Variants in CCDC70 observed in about 807,000 individuals in gnomAD.
The protein encoded by CCDC70 is coiled-coil domain-containing protein 70.
CCDC70 carries 4 observed loss-of-function variants against 9.1 expected under a neutral mutation model. That is an observed-to-expected ratio of 0.44 (90% CI 0.22 to 1.00). The LOEUF (loss-of-function observed/expected upper bound fraction) is 1.00, where lower values mean the gene tolerates loss of function less well. CCDC70 is among the 50% of genes least tolerant of loss of function. The pLI, the probability that CCDC70 is intolerant of heterozygous loss-of-function variation, is 0.25. For missense variants in CCDC70, 308 were observed against 271.3 expected (o/e 1.14, Z -0.95); for synonymous variants, 119 against 94.0 (o/e 1.27, Z -1.54).
Position 51,865,438 on chromosome 13 carries a change from G to C in CCDC70, c.27G>C (p.Trp9Cys). MFSFKVSR[W>C]MGLACFRSLA... ...TGTTTTCCTTCAAGGTGAGCAGATG[G>C]ATGGGGCTTGCCTGCTTCCGGTCCC... Residue 9 changes from tryptophan to cysteine, a missense_variant, in exon 2 of 2, where the codon TGG (tryptophan) becomes TGC (cysteine). Physicochemically the swap from Trp to Cys is radical, Grantham distance 215. Transcript: ENST00000242819. 6.2e-7 allele frequency: 1 copy of C among 1,613,650 alleles called. No homozygotes were observed. The highest frequency in any genetic ancestry group is 8.5e-7 in the Non-Finnish European group (1 of 1,179,782).
chr13:51,862,337 T>C (rs1956388702), intron 1 of CCDC70, 108 bp downstream of exon 1: 1 of 152,238 alleles, frequency 6.6e-6, no homozygotes, highest in Non-Finnish European at 1.5e-5. Context: ...AACTGAAAAC[T>C]GGGCATGTAT....
chr13:51,865,206 C>T, intron 1 of CCDC70, 126 bp from the exon 2 acceptor site: 1 of 544,162 alleles, frequency 1.8e-6, no homozygotes, highest in South Asian at 3.7e-5. Flanking sequence ...AAAGCTTGTC[C>T]CTCACAAACA....
intron 1 of CCDC70, among the ~76,000 whole-genome samples, chr13:51,865,082 T>C (rs1170464219): frequency 2.0e-5 from 3 of 152,232 alleles, no homozygotes; most frequent in Non-Finnish European, 2.9e-5. Context: ...GATACCCTAG[T>C]TGACAGCCAC....
chr13:51,865,159 A>G (rs1001013140), intron 1 of CCDC70, among the ~76,000 whole-genome samples, 173 bp from the exon 2 acceptor site: 9 of 152,140 alleles, frequency 5.9e-5, no homozygotes, highest in African/African-American at 2.2e-4. Context: ...CTGCCTCTCC[A>G]GCTCAAAGCC....
At chr13:51,863,270 A>G (rs1327115067) in intron 1 of CCDC70, among the ~76,000 whole-genome samples, 4 of 152,138 alleles carry the variant, frequency 2.6e-5, no homozygotes, top group African/African-American at 7.2e-5. Context: ...GGGCTGCACA[A>G]GGCCTTCCTA....
rs745453002 is a variant in CCDC70, at chr13:51,865,707, T to C, written c.296T>C (p.Met99Thr). 1.9e-6 allele frequency: 3 copies of C among 1,613,846 alleles called. No homozygotes were observed. In the East Asian group the frequency reaches 6.7e-5, roughly 36 times the overall value. The stretch of plus-strand genomic sequence containing the variant: ...AAAGAGGAAAAATCCTTCTGGGAAA[T>C]GGAAAAGTCTTTCAGGGAGGAAGAG... ...FWKEEKSFWEMEKSFREEEKT... is the reference protein window; with the variant it reads ...FWKEEKSFWETEKSFREEEKT... The change falls in exon 2 of 2, where the codon ATG (methionine) becomes ACG (threonine). Residue 99 changes from methionine (M) to threonine (T), a missense_variant. Met to Thr is a moderately conservative substitution (Grantham distance 81). Coordinates refer to ENST00000242819, the MANE Select transcript of CCDC70 (RefSeq NM_031290.4).
rs1956413044 is a variant in CCDC70, at chr13:51,865,438, G to A, written c.27G>A (p.Trp9Ter). 6.2e-7 allele frequency: 1 copy of A among 1,613,650 alleles called. No homozygotes were observed. Among genetic ancestry groups the A allele is most frequent in the Middle Eastern group, 1.7e-4 (1 of 6,052 alleles). The change falls in exon 2 of 2, where the codon TGG (tryptophan) becomes TGA (stop). Residue 9 changes from tryptophan (W) to a stop codon, truncating the protein, a stop_gained. Transcript: ENST00000242819. LOFTEE classifies it high-confidence loss of function. ...TGTTTTCCTTCAAGGTGAGCAGATG[G>A]ATGGGGCTTGCCTGCTTCCGGTCCC... is the stretch of plus-strand genomic sequence containing the variant. MFSFKVSR[W>*]MGLACFRSLA... is the part of the protein sequence containing the mutation.
chr13:51,865,832 G>C lies in CCDC70; in HGVS notation c.421G>C (p.Glu141Gln). 6.2e-7 allele frequency: 1 copy of C among 1,614,188 alleles called. No homozygotes were observed. The highest frequency in any genetic ancestry group is 1.1e-5 in the South Asian group (1 of 91,084). ...GGAAAGAGACCGGAACCTTCTTCAG[G>C]AGGACAAGGCCCTGTGGGAGGAAGA... ...LWERDRNLLQEDKALWEEEKA... is the reference protein window; with the variant it reads ...LWERDRNLLQQDKALWEEEKA... Residue 141 changes from glutamate (E) to glutamine (Q), a missense_variant, in exon 2 of 2, where the codon GAG becomes CAG. Glu to Gln is a conservative substitution (Grantham distance 29). Transcript: ENST00000242819.
At chr13:51,864,113 CT>C (rs753712427) in intron 1 of CCDC70, among the ~76,000 whole-genome samples, 4 of 151,610 alleles carry the variant, frequency 2.6e-5, no homozygotes, top group Non-Finnish European at 5.9e-5. Context: ...CCTTCCCTCC[CT>C]CTCTTTTTCT....
At chr13:51,863,346 G>A (rs1360193495) in intron 1 of CCDC70, among the ~76,000 whole-genome samples, 2 of 152,180 alleles carry the variant, frequency 1.3e-5, no homozygotes, top group Non-Finnish European at 2.9e-5. Flanking sequence ...GTGATAGGAC[G>A]AGAGAGTGTT....
At chr13:51,863,708 C>CACACACACACACACACA (rs1555276646) in intron 1 of CCDC70, among the ~76,000 whole-genome samples, 1 of 141,022 alleles carries the variant, frequency 7.1e-6, no homozygotes, top group Non-Finnish European at 1.6e-5. Context: ...CACACACACA[C>CACACACACACACACACA]ACCAGCTATG....
intron 1 of CCDC70, 107 bp from the exon 2 acceptor site, chr13:51,865,225 T>C (rs1956410770): frequency 3.4e-6 from 2 of 589,186 alleles, no homozygotes; most frequent in Admixed American, 6.5e-5. Flanking sequence ...CACCACCATG[T>C]GGACAAAGAG....
In CCDC70 at chr13:51,866,077, G is replaced by T. The variant is rs545884355; in HGVS notation, c.666G>T (p.Ala222=). Residue 222 remains alanine (A), a synonymous_variant, in exon 2 of 2, where the codon GCG becomes GCT. Coordinates refer to ENST00000242819, the MANE Select transcript of CCDC70 (RefSeq NM_031290.4). ...QRLLAFSRGR[A] is the part of the protein sequence containing the mutation. The stretch of plus-strand genomic sequence containing the variant: ...TGCTGGCCTTCTCCCGAGGCAGGGC[G>T]TAGCCAGCATGCAGGTGCAGGGCCC... The T allele has an allele frequency of 1.9e-6, 3 of 1,568,578 alleles. No homozygotes were observed. Among genetic ancestry groups the T allele is most frequent in the African/African-American group, 2.7e-5 (2 of 73,324 alleles).
rs1956424518 is a variant in CCDC70 at position 51,866,231 on chromosome 13, A to T, written c.*151A>T. ...GTCCTGAGGCAAGGTTTGGAAAACC[A>T]ACTTATTTGAGGAAGGCTGGCTGCA... is the stretch of plus-strand genomic sequence containing the variant. On this transcript the variant is annotated 3_prime_UTR_variant, in exon 2 of 2. Coordinates refer to ENST00000242819, the MANE Select transcript of CCDC70 (RefSeq NM_031290.4). The T allele has an allele frequency of 3.0e-6, 2 of 667,770 alleles. No homozygotes were observed. The highest frequency in any genetic ancestry group is 6.6e-5 in the Admixed American group (2 of 30,498). The allele number at this position is 667,770 out of a possible 1,614,324, so 41.4% of individuals were successfully genotyped here.
chr13:51,862,570 G>A (rs1956390197), intron 1 of CCDC70, among the ~76,000 whole-genome samples: 1 of 152,172 alleles, frequency 6.6e-6, no homozygotes, highest in South Asian at 2.1e-4. Context: ...CACCTATCCT[G>A]TGGCAGAACA....
Position 51,866,038 on chromosome 13 carries a change from C to G in CCDC70, c.627C>G (p.Asn209Lys). ...QMLEDGPHNA[N>K]RGQRLLAFSR... ...TCGAAGATGGGCCCCACAACGCCAA[C>G]AGAGGGCAGCGCTTGCTGGCCTTCT... is the stretch of plus-strand genomic sequence containing the variant. The change falls in exon 2 of 2, where the codon AAC (asparagine) becomes AAG (lysine). Residue 209 changes from asparagine to lysine, a missense_variant. By Grantham distance (94) the Asn-to-Lys change is moderately conservative (BLOSUM62 0). Coordinates refer to ENST00000242819, the MANE Select transcript of CCDC70 (RefSeq NM_031290.4). 6.2e-7 allele frequency: 1 copy of G among 1,603,522 alleles called. No individual in the cohort carries two copies. The highest frequency in any genetic ancestry group is 8.5e-7 in the Non-Finnish European group (1 of 1,175,746).
chr13:51,863,070 G>A (rs1462385074), intron 1 of CCDC70, among the ~76,000 whole-genome samples: 1 of 152,216 alleles, frequency 6.6e-6, no homozygotes, highest in Non-Finnish European at 1.5e-5. Flanking sequence ...GGGAAAGGAT[G>A]TACAGGAATT....
chr13:51,862,357 A>C (rs1956388800), intron 1 of CCDC70, 128 bp downstream of exon 1: 1 of 152,234 alleles, frequency 6.6e-6, no homozygotes, highest in South Asian at 2.1e-4. Context: ...TCTTTAGTGC[A>C]TGTTTTTACA....
rs535561195 is a variant in CCDC70 at position 51,862,447 on chromosome 13, T to C, written c.-81+218T>C. Among the ~76,000 whole-genome samples the C allele has an allele frequency of 7.9e-5, 12 of 152,378 alleles. No individual in the cohort carries two copies. In the South Asian group the frequency reaches 2.5e-3, roughly 32 times the overall value. On this transcript the variant is annotated intron_variant, in intron 1 of 1. Transcript: ENST00000242819. ...TCTACCTATTTGATATGGTTCTTATTTTCTTTCTTTCTTAAAGAAAGTTTA... is the reference window on the plus strand; with the variant it reads ...TCTACCTATTTGATATGGTTCTTATCTTCTTTCTTTCTTAAAGAAAGTTTA...
Sources: gnomAD v4.1 joint callset for allele counts (sites outside exome capture counted in the v4.1 genomes callset) on GRCh38, gnomAD v4.1.1 for gene constraint, MANE v1.5 for transcripts, NCBI Gene and HGNC (gene_info 2026-07-23, HGNC 2026-07-21) for gene names.